Variants in AFG1L observed in about 807,000 individuals in gnomAD.
AFG1L encodes AFG1-like ATPase.
Under a neutral mutation model 62.2 loss-of-function variants are expected in AFG1L, and 53 were observed. That is an observed-to-expected ratio of 0.85 (90% CI 0.68 to 1.07). The LOEUF (loss-of-function observed/expected upper bound fraction) is 1.07. AFG1L is among the 50% of genes least tolerant of loss of function. The pLI is 0.00. For synonymous variants in AFG1L, 228 were observed against 210.3 expected (o/e 1.08, Z -0.73); for missense variants, 555 against 590.5 (o/e 0.94, Z 0.62).
At chr6:108,297,455 T>G (rs1318458957) in intron 1 of AFG1L, among the ~76,000 whole-genome samples, 2 of 152,210 alleles carry the variant, frequency 1.3e-5, no homozygotes, top group African/African-American at 4.8e-5. Flanking sequence ...TGTTCAGTAT[T>G]CAGAGTCTGA....
intron 2 of AFG1L, among the ~76,000 whole-genome samples, chr6:108,328,278 C>A (rs951350854): frequency 1.3e-5 from 2 of 152,150 alleles, no homozygotes; most frequent in African/African-American, 4.8e-5. Context: ...TGTGGCCTAG[C>A]CAGGAAACAA....
intron 8 of AFG1L, among the ~76,000 whole-genome samples, chr6:108,473,805 C>A (rs1242209691): frequency 6.6e-6 from 1 of 152,164 alleles, no homozygotes; most frequent in East Asian, 1.9e-4. Context: ...ATGATTCGCC[C>A]ACCTCAGCCT....
intron 1 of AFG1L, among the ~76,000 whole-genome samples, chr6:108,297,232 C>G (rs1348279436): frequency 1.3e-5 from 2 of 152,070 alleles, no homozygotes; most frequent in African/African-American, 4.8e-5. Flanking sequence ...CTCAGCCTCC[C>G]TAGTAGCTGA....
intron 10 of AFG1L, among the ~76,000 whole-genome samples, chr6:108,485,280 C>G (rs1773494825): frequency 6.6e-6 from 1 of 152,056 alleles, no homozygotes; most frequent in South Asian, 2.1e-4. Flanking sequence ...AGAAAACGTG[C>G]TTTCATTTTC....
intron 6 of AFG1L, among the ~76,000 whole-genome samples, chr6:108,375,868 A>G (rs1322483829): frequency 6.6e-6 from 1 of 152,086 alleles, no homozygotes; most frequent in Non-Finnish European, 1.5e-5. Flanking sequence ...GTTTTTTGAA[A>G]TAGTTTCAGT....
intron 1 of AFG1L, among the ~76,000 whole-genome samples, chr6:108,300,222 C>T (rs766722636): frequency 4.0e-5 from 6 of 151,632 alleles, no homozygotes; most frequent in Non-Finnish European, 8.8e-5. Context: ...AATCTTGGCT[C>T]ACTGCAACCT....
chr6:108,324,148 A>C, intron 2 of AFG1L, 100 bp downstream of exon 2: 2 of 796,008 alleles, frequency 2.5e-6, no homozygotes, highest in South Asian at 1.9e-5. Flanking sequence ...CATCTTGAAA[A>C]ATTTTCACCA....
chr6:108,411,816 A>G (rs1471567901), intron 7 of AFG1L, among the ~76,000 whole-genome samples: 1 of 152,272 alleles, frequency 6.6e-6, no homozygotes, highest in Non-Finnish European at 1.5e-5. Flanking sequence ...AAACCAGAGC[A>G]GAGAAGCTGA....
intron 11 of AFG1L, among the ~76,000 whole-genome samples, chr6:108,511,498 C>T (rs1774651414): frequency 6.6e-6 from 1 of 152,158 alleles, no homozygotes; most frequent in Non-Finnish European, 1.5e-5. Flanking sequence ...AATAATGGTA[C>T]TTATAAAGTT....
intron 1 of AFG1L, among the ~76,000 whole-genome samples, chr6:108,317,777 A>G (rs1777661083): frequency 6.6e-6 from 1 of 152,198 alleles, no homozygotes; most frequent in Non-Finnish European, 1.5e-5. Context: ...TGTAAACTAA[A>G]TTCATCCTAA....
chr6:108,409,552 A>G (rs185026427), intron 7 of AFG1L, among the ~76,000 whole-genome samples: 29 of 152,336 alleles, frequency 1.9e-4, no homozygotes, highest in Admixed American at 1.4e-3. Flanking sequence ...AGAATTTTTC[A>G]GGTAAAATTT....
intron 10 of AFG1L, among the ~76,000 whole-genome samples, chr6:108,489,616 A>G (rs1773699613): frequency 6.6e-6 from 1 of 152,222 alleles, no homozygotes; most frequent in Non-Finnish European, 1.5e-5. Context: ...GGCATGAACC[A>G]GGTATACTTG....
chr6:108,506,179 T>A (rs1405993011), intron 10 of AFG1L, among the ~76,000 whole-genome samples: 1 of 152,148 alleles, frequency 6.6e-6, no homozygotes, highest in Non-Finnish European at 1.5e-5. Flanking sequence ...GGAGTAGTAT[T>A]TGCATATAAC....
At chr6:108,505,958 A>G (rs1378970160) in intron 10 of AFG1L, among the ~76,000 whole-genome samples, 1 of 152,224 alleles carries the variant, frequency 6.6e-6, no homozygotes, top group Non-Finnish European at 1.5e-5. Context: ...GGAGAAAAAT[A>G]CTGACAACAC....
chr6:108,485,385 T>C (rs377341317), intron 10 of AFG1L, among the ~76,000 whole-genome samples: 71 of 151,658 alleles, frequency 4.7e-4, no homozygotes, highest in Middle Eastern at 3.4e-3. Context: ...TCCCAGAGGG[T>C]CTCAATGGAA....
At chr6:108,329,657 G>A (rs1447337835) in intron 2 of AFG1L, among the ~76,000 whole-genome samples, 1 of 152,122 alleles carries the variant, frequency 6.6e-6, no homozygotes, top group Non-Finnish European at 1.5e-5. Flanking sequence ...TTGAAAAAAA[G>A]TATATAAAAC....
intron 7 of AFG1L, among the ~76,000 whole-genome samples, chr6:108,441,101 CTT>C (rs952641138): frequency 1.3e-5 from 2 of 152,066 alleles, no homozygotes; most frequent in Non-Finnish European, 2.9e-5. Flanking sequence ...TTATTTCAAT[CTT>C]TGCTTAAGAG....
chr6:108,439,642 G>A (rs1771456375), intron 7 of AFG1L, among the ~76,000 whole-genome samples: 1 of 152,122 alleles, frequency 6.6e-6, no homozygotes, highest in African/African-American at 2.4e-5. Flanking sequence ...AGATTCTGGT[G>A]ATATTCTATT....
At chr6:108,295,917 G>T (rs1776751938) in intron 1 of AFG1L, 1 of 152,128 alleles carries the variant, frequency 6.6e-6, no homozygotes, top group South Asian at 2.1e-4. Context: ...AGCACTTAGC[G>T]CAATGATTGG....
Sources: allele counts gnomAD v4.1 joint callset (sites outside exome capture counted in the v4.1 genomes callset), GRCh38; gene constraint gnomAD v4.1.1; transcripts MANE v1.5; gene names NCBI Gene and HGNC (gene_info 2026-07-23, HGNC 2026-07-21).